SPECC1: variants seen among roughly 807,000 people sequenced by gnomAD.
The protein encoded by SPECC1 is sperm antigen with calponin homology and coiled-coil domains 1, also known as cytospin-B.
SPECC1 carries 62 observed loss-of-function variants against 104.1 expected under a neutral mutation model. The ratio of observed to expected loss-of-function variants is 0.60; its 90% CI spans 0.49 to 0.74. The LOEUF (loss-of-function observed/expected upper bound fraction) is 0.74. Among genes scored for constraint, SPECC1 ranks in the 30% least tolerant of loss-of-function variants. The pLI is 0.00. For missense variants in SPECC1, 1,306 were observed against 1,310.5 expected (o/e 1.00, Z 0.05); for synonymous variants, 513 against 501.6 (o/e 1.02, Z -0.30).
chr17:20,125,517 C>T (rs184954867), intron 3 of SPECC1, among the ~76,000 whole-genome samples: 3 of 152,372 alleles, frequency 2.0e-5, no homozygotes, highest in East Asian at 1.9e-4. Flanking sequence ...TCTGTACCCA[C>T]TGAACGACTC....
chr17:20,020,124 A>C (rs1211280712), intron 1 of SPECC1, among the ~76,000 whole-genome samples: 1 of 152,174 alleles, frequency 6.6e-6, no homozygotes, highest in African/African-American at 2.4e-5. Context: ...TTCTGTGTTG[A>C]GGGTGGTGAT....
intron 1 of SPECC1, among the ~76,000 whole-genome samples, chr17:20,058,909 G>A (rs1333697323): frequency 6.9e-6 from 1 of 144,448 alleles, no homozygotes; most frequent in African/African-American, 2.6e-5. Context: ...GCGTGATCTC[G>A]GCTTACCTCA....
At chr17:20,171,910 T>C (rs1235470711) in intron 3 of SPECC1, among the ~76,000 whole-genome samples, 1 of 152,202 alleles carries the variant, frequency 6.6e-6, no homozygotes, top group Non-Finnish European at 1.5e-5. Context: ...GCCTCTAATC[T>C]GTTCCTGTGT....
At chr17:20,297,476 T>C (rs1329534086) in intron 13 of SPECC1, among the ~76,000 whole-genome samples, 2 of 152,256 alleles carry the variant, frequency 1.3e-5, no homozygotes. Context: ...ATGTGACTGT[T>C]TAACACAGCA....
chr17:20,291,776 C>A (rs2041174265), intron 12 of SPECC1, among the ~76,000 whole-genome samples: 1 of 152,052 alleles, frequency 6.6e-6, no homozygotes, highest in African/African-American at 2.4e-5. Flanking sequence ...AACCCCTGAG[C>A]TCAAGTGATC....
intron 7 of SPECC1, chr17:20,237,134 G>T (rs2038961963): frequency 4.3e-6 from 6 of 1,379,458 alleles, no homozygotes; most frequent in Admixed American, 3.0e-5. Flanking sequence ...AGAAGATTGA[G>T]CTGTCTTTTA....
chr17:20,269,309 CTGTT>C (rs902289313), intron 12 of SPECC1, among the ~76,000 whole-genome samples: 3 of 152,206 alleles, frequency 2.0e-5, no homozygotes, highest in Non-Finnish European at 4.4e-5. Context: ...GGTGCTGAAA[CTGTT>C]TGTGCAAACA....
chr17:20,070,157 A>G (rs893595947), intron 1 of SPECC1, among the ~76,000 whole-genome samples: 5 of 152,196 alleles, frequency 3.3e-5, no homozygotes, highest in African/African-American at 1.2e-4. Flanking sequence ...GTTGACAAGA[A>G]GTGGTGAGAG....
chr17:20,088,212 T>A (rs1192374451), intron 1 of SPECC1, among the ~76,000 whole-genome samples: 3 of 152,092 alleles, frequency 2.0e-5, no homozygotes, highest in African/African-American at 7.2e-5. Flanking sequence ...AGTGATGTGA[T>A]CTGATTTTTG....
chr17:20,163,397 A>C (rs551951541), intron 3 of SPECC1, among the ~76,000 whole-genome samples: 2 of 152,322 alleles, frequency 1.3e-5, no homozygotes, highest in African/African-American at 4.8e-5. Flanking sequence ...TGCTAATAAA[A>C]TTAACATTTT....
At chr17:20,168,593 A>G (rs569317591) in intron 3 of SPECC1, among the ~76,000 whole-genome samples, 22 of 152,358 alleles carry the variant, frequency 1.4e-4, no homozygotes, top group African/African-American at 5.3e-4. Flanking sequence ...TAGCCAAACC[A>G]GTAAGATTTT....
intron 3 of SPECC1, among the ~76,000 whole-genome samples, chr17:20,183,408 A>G (rs1170638583): frequency 6.6e-6 from 1 of 152,212 alleles, no homozygotes. Context: ...AAATGTAGGA[A>G]AAGTTTGCTA....
intron 3 of SPECC1, among the ~76,000 whole-genome samples, chr17:20,156,511 C>G (rs1974745): frequency 0.57 from 86,628 of 152,100 alleles, 25,296 homozygotes; most frequent in African/African-American, 0.62. Flanking sequence ...GTTCCCCACT[C>G]CGCGCCTGGC....
chr17:20,249,891 G>C (rs1598084377), intron 9 of SPECC1, among the ~76,000 whole-genome samples: 1 of 152,052 alleles, frequency 6.6e-6, no homozygotes, highest in Non-Finnish European at 1.5e-5. Flanking sequence ...ATATTGGAAG[G>C]GATAATGATC....
At chr17:20,149,457 C>T (rs1386636270) in intron 3 of SPECC1, among the ~76,000 whole-genome samples, 3 of 152,266 alleles carry the variant, frequency 2.0e-5, no homozygotes, top group Non-Finnish European at 2.9e-5. Flanking sequence ...CCTATGTGAT[C>T]GCCTGGTAAA....
At chr17:20,305,920 T>C in intron 13 of SPECC1, 103 bp from the exon 14 acceptor site, 2 of 1,009,132 alleles carry the variant, frequency 2.0e-6, no homozygotes, top group Non-Finnish European at 3.0e-6. Flanking sequence ...CTTCGCTTTA[T>C]AATAGTGAAT....
chr17:20,268,602 C>T (rs910611682), intron 12 of SPECC1, among the ~76,000 whole-genome samples: 2 of 152,214 alleles, frequency 1.3e-5, no homozygotes, highest in South Asian at 2.1e-4. Flanking sequence ...GTCTCAATAG[C>T]AGATGCGCGG....
chr17:20,302,942 G>A (rs2041640875), intron 13 of SPECC1, among the ~76,000 whole-genome samples: 1 of 127,562 alleles, frequency 7.8e-6, no homozygotes. Context: ...AATCAAACTA[G>A]AAGGTTTTTG....
chr17:20,265,681 A>G (rs934289639), intron 12 of SPECC1, among the ~76,000 whole-genome samples: 2 of 152,152 alleles, frequency 1.3e-5, no homozygotes, highest in African/African-American at 4.8e-5. Context: ...CCAATGTTGA[A>G]AAAGTTATTT....
Sources: allele counts gnomAD v4.1 joint callset (sites outside exome capture counted in the v4.1 genomes callset), GRCh38; gene constraint gnomAD v4.1.1; transcripts MANE v1.5; gene names NCBI Gene and HGNC (gene_info 2026-07-23, HGNC 2026-07-21).